Variants in SPCS2 observed in about 807,000 individuals in gnomAD.
The protein encoded by SPCS2 is SPase 25 kDa subunit.
A neutral mutation model predicts 22.3 loss-of-function variants in SPCS2; 3 were observed. The ratio of observed to expected loss-of-function variants is 0.13; its 90% confidence interval spans 0.06 to 0.35. The LOEUF is 0.35. Among genes scored for constraint, SPCS2 ranks in the 10% least tolerant of loss-of-function variants. SPCS2 has a pLI of 1.00. For synonymous variants in SPCS2, 67 were observed against 97.2 expected (o/e 0.69, Z 1.83); for missense variants, 169 against 280.9 (o/e 0.60, Z 2.85).
intron 4 of SPCS2, among the ~76,000 whole-genome samples, chr11:74,970,545 G>A (rs1321536567): frequency 1.3e-5 from 2 of 152,140 alleles, no homozygotes; most frequent in East Asian, 1.9e-4. Flanking sequence ...TACTTAACTG[G>A]TGCATAATAG....
intron 1 of SPCS2, among the ~76,000 whole-genome samples, chr11:74,952,703 A>AGAAC (rs1948454157): frequency 6.6e-6 from 1 of 152,242 alleles, no homozygotes; most frequent in African/African-American, 2.4e-5. Context: ...CAAGGTGATG[A>AGAAC]GAACCCCAAC....
intron 1 of SPCS2, among the ~76,000 whole-genome samples, chr11:74,955,440 G>A (rs144380728): frequency 2.6e-5 from 4 of 152,190 alleles, no homozygotes; most frequent in African/African-American, 9.6e-5. Flanking sequence ...CTGAAAATGC[G>A]CTAAGTGAAA....
chr11:74,964,230 A>T (rs562802288), intron 1 of SPCS2, among the ~76,000 whole-genome samples: 3 of 152,294 alleles, frequency 2.0e-5, no homozygotes, highest in Admixed American at 1.3e-4. Flanking sequence ...TGGAAGTGGG[A>T]AGTTGAATTC....
Position 74,977,025 on chromosome 11 carries a change from A to G in SPCS2, c.663A>G (p.Ile221Met). The change falls in exon 5 of 5, where the codon ATA (isoleucine) becomes ATG (methionine). Residue 221 changes from isoleucine to methionine, a missense_variant. Coordinates refer to ENST00000263672, the MANE Select transcript of SPCS2 (RefSeq NM_014752.3). ...CCAGGCTCCATGACAGTCTTGCCAT[A>G]GAAAGAAAAATAAAGTAGCCAATTC... ...EISRLHDSLA[I>M]ERKIK 3.3e-6 allele frequency: 5 copies of G among 1,503,420 alleles called. No individual in the cohort carries two copies. Among genetic ancestry groups the G allele is most frequent in the African/African-American group, 1.4e-5 (1 of 70,798 alleles). 93.1% of individuals were successfully genotyped at this position (1,503,420 alleles called of 1,614,324 possible).
At chr11:74,950,248 CTCTA>C (rs1255483492) in intron 1 of SPCS2, among the ~76,000 whole-genome samples, 3 of 152,154 alleles carry the variant, frequency 2.0e-5, no homozygotes, top group African/African-American at 7.2e-5. Context: ...TGCTTGCTCT[CTCTA>C]TATCTGTTTT....
intron 4 of SPCS2, among the ~76,000 whole-genome samples, chr11:74,974,116 T>TG (rs552429564): frequency 3.9e-4 from 60 of 151,992 alleles, no homozygotes; most frequent in African/African-American, 1.4e-3. Context: ...TAATACTTTT[T>TG]TTTTTTAACT....
chr11:74,965,658 C>G lies in SPCS2; in HGVS notation c.199-105C>G, dbSNP rs1205584811. On this transcript the variant is annotated intron_variant, in intron 2 of 4. Transcript: ENST00000263672. ...GTGGTAAAATCCCAACTGGAGGGAA[C>G]TACTTGGTAATTCATATGATTCTTT... 38 of 965,896 alleles carry G rather than the reference C, an allele frequency of 3.9e-5. 1 individual carries two copies. The East Asian group carries it at 9.3e-4, about 24-fold the overall frequency. The allele number at this position is 965,896 out of a possible 1,614,324, so 59.8% of individuals were successfully genotyped here.
Position 74,959,659 on chromosome 11 carries a change from T to TCCCA in SPCS2, c.115-5374_115-5371dup, listed in dbSNP as rs531853112. Among the ~76,000 whole-genome samples the TCCCA allele has an allele frequency of 8.5e-5, 13 of 152,350 alleles. No homozygotes were observed. In the South Asian group the frequency reaches 2.7e-3, roughly 32 times the overall value. On this transcript the variant is annotated intron_variant, in intron 1 of 4. Coordinates refer to ENST00000263672, the MANE Select transcript of SPCS2 (RefSeq NM_014752.3). ...CTCAAGCGATCCTTCCACCTTGGCCTCCCAAAGTGCTGAAGTTATAAACAT... is the reference window on the plus strand; with the variant it reads ...CTCAAGCGATCCTTCCACCTTGGCCTCCCACCCAAAGTGCTGAAGTTATAAACAT...
intron 1 of SPCS2, among the ~76,000 whole-genome samples, chr11:74,962,244 C>A (rs1039221376): frequency 6.6e-6 from 1 of 152,164 alleles, no homozygotes; most frequent in African/African-American, 2.4e-5. Context: ...ACATAAATCA[C>A]ATCATTTATA....
intron 1 of SPCS2, among the ~76,000 whole-genome samples, chr11:74,964,470 A>C (rs1374437336): frequency 6.6e-6 from 1 of 152,238 alleles, no homozygotes; most frequent in African/African-American, 2.4e-5. Context: ...TGGAATTGCT[A>C]TCTTAAAGTT....
intron 1 of SPCS2, among the ~76,000 whole-genome samples, chr11:74,962,944 T>C (rs1283412549): frequency 6.6e-6 from 1 of 152,222 alleles, no homozygotes. Flanking sequence ...TCCTCTGACT[T>C]TTAAAGGCAA....
intron 4 of SPCS2, among the ~76,000 whole-genome samples, chr11:74,974,962 A>G (rs1359734514): frequency 2.0e-5 from 3 of 152,130 alleles, no homozygotes; most frequent in Admixed American, 6.5e-5. Flanking sequence ...CTCCACCCAT[A>G]GTCTATTCCC....
At chr11:74,949,493 G>C (rs781442652) in intron 1 of SPCS2, 94 bp downstream of exon 1, 143 of 1,124,010 alleles carry the variant, frequency 1.3e-4, no homozygotes, top group Non-Finnish European at 1.7e-4. Context: ...ATTTTCTACG[G>C]CCTTTTGAGG....
intron 1 of SPCS2, among the ~76,000 whole-genome samples, chr11:74,962,930 A>G (rs1271239882): frequency 1.3e-5 from 2 of 152,228 alleles, no homozygotes. Context: ...TGGTTAAGAC[A>G]TTATCCTCTG....
At chr11:74,972,047 T>G (rs1386979620) in intron 4 of SPCS2, among the ~76,000 whole-genome samples, 1 of 152,160 alleles carries the variant, frequency 6.6e-6, no homozygotes, top group Non-Finnish European at 1.5e-5. Context: ...CATGCCTTAG[T>G]CTAAATTAGG....
rs532427641 is a variant in SPCS2 at position 74,965,297 on chromosome 11, A to G, written c.198+180A>G. The G allele has an allele frequency of 9.8e-6, 5 of 512,746 alleles. No homozygotes were observed. In the South Asian group the frequency reaches 1.4e-4, roughly 14 times the overall value. The allele number at this position is 512,746 out of a possible 1,614,324, so 31.8% of individuals were successfully genotyped here. On this transcript the variant is annotated intron_variant, in intron 2 of 4. Coordinates refer to ENST00000263672, the MANE Select transcript of SPCS2 (RefSeq NM_014752.3). ...GAGGAAGTGTGTTGAAATATCACCA[A>G]CATGGCACATGTATACATATGTAAC...
chr11:74,967,681 G>A (rs570241023), intron 3 of SPCS2, among the ~76,000 whole-genome samples: 3 of 152,234 alleles, frequency 2.0e-5, no homozygotes, highest in East Asian at 1.9e-4. Context: ...TCCAGGGGGC[G>A]GAAGTCACAG....
chr11:74,965,200 G>C (rs1379062852), intron 2 of SPCS2, 83 bp downstream of exon 2: 8 of 933,766 alleles, frequency 8.6e-6, no homozygotes, highest in Non-Finnish European at 1.3e-5. Flanking sequence ...TTGTAACTTG[G>C]AGTGACCTTA....
chr11:74,949,555 C>A, intron 1 of SPCS2, 156 bp downstream of exon 1: 1 of 713,462 alleles, frequency 1.4e-6, no homozygotes, highest in Non-Finnish European at 2.5e-6. Flanking sequence ...GGAGCCTGCC[C>A]TTGCCCTCAT....
Sources: gnomAD v4.1 joint callset for allele counts (sites outside exome capture counted in the v4.1 genomes callset) on GRCh38, gnomAD v4.1.1 for gene constraint, MANE v1.5 for transcripts, NCBI Gene and HGNC (gene_info 2026-07-23, HGNC 2026-07-21) for gene names.